The following RNF34 variants were observed in gnomAD, a reference collection of about 807,000 sequenced individuals.
The protein encoded by RNF34 is E3 ubiquitin-protein ligase RNF34.
A neutral mutation model predicts 37.9 loss-of-function variants in RNF34; 12 were observed. The ratio of observed to expected loss-of-function variants is 0.32; its 90% confidence interval spans 0.20 to 0.51. The LOEUF (loss-of-function observed/expected upper bound fraction) is 0.51. RNF34 is among the 20% of genes least tolerant of loss of function. RNF34 has a pLI of 0.97. For synonymous variants in RNF34, 155 were observed against 177.2 expected (o/e 0.87, Z 1.00); for missense variants, 362 against 472.7 (o/e 0.77, Z 2.17).
intron 1 of RNF34, among the ~76,000 whole-genome samples, chr12:121,406,497 C>T (rs1338538814): frequency 3.3e-5 from 5 of 152,078 alleles, no homozygotes; most frequent in African/African-American, 1.2e-4. Flanking sequence ...ACGTTGCCCA[C>T]GCTGGTCTCG....
chr12:121,400,324 C>A, intron 1 of RNF34, 106 bp downstream of exon 1: 2 of 1,350,868 alleles, frequency 1.5e-6, no homozygotes, highest in Non-Finnish European at 1.0e-6. Flanking sequence ...TAGTCGTCAT[C>A]TCGGAGAGCT....
At chr12:121,418,609 C>T (rs1871798899) in intron 3 of RNF34, 1 of 152,262 alleles carries the variant, frequency 6.6e-6, no homozygotes, top group South Asian at 2.1e-4. Context: ...CAGTCTGATA[C>T]TTGGCAGGCT....
intron 1 of RNF34, among the ~76,000 whole-genome samples, chr12:121,401,747 T>A (rs782358887): frequency 6.6e-6 from 1 of 152,210 alleles, no homozygotes; most frequent in Non-Finnish European, 1.5e-5. Context: ...AAACAAGTTC[T>A]TTGAAAACAG....
chr12:121,421,943 A>C (rs1872204511), intron 5 of RNF34, among the ~76,000 whole-genome samples: 1 of 152,210 alleles, frequency 6.6e-6, no homozygotes, highest in African/African-American at 2.4e-5. Context: ...AATATGCACA[A>C]AATATTTTGG....
At chr12:121,410,399 T>G (rs571782647) in intron 1 of RNF34, among the ~76,000 whole-genome samples, 1 of 151,908 alleles carries the variant, frequency 6.6e-6, no homozygotes, top group East Asian at 1.9e-4. Flanking sequence ...TAGCCGGGTG[T>G]GGTGGTGGGT....
chr12:121,408,118 C>A (rs1449110972), intron 1 of RNF34, among the ~76,000 whole-genome samples: 1 of 152,030 alleles, frequency 6.6e-6, no homozygotes, highest in African/African-American at 2.4e-5. Context: ...TCAGCCTGGG[C>A]AGCATATCAA....
intron 5 of RNF34, among the ~76,000 whole-genome samples, chr12:121,422,811 C>G (rs1872280005): frequency 6.6e-6 from 1 of 152,146 alleles, no homozygotes; most frequent in Admixed American, 6.5e-5. Flanking sequence ...CCAGGACGGC[C>G]CATCTCTTTC....
rs1428570912 is a variant in RNF34, at chr12:121,417,826, A to T, written c.548A>T (p.Tyr183Phe). 1.2e-6 allele frequency: 2 copies of T among 1,614,164 alleles called. No individual in the cohort carries two copies. The highest frequency in any genetic ancestry group is 2.2e-5 in the East Asian group (1 of 44,890). ...SFFTRSFFSN[Y>F]TAPSATMSSF... The stretch of plus-strand genomic sequence containing the variant: ...TTTACACGTTCGTTTTTTTCAAACT[A>T]TACAGCCCCCTCTGCTACTATGTCT... The change falls in exon 3 of 6, where the codon TAT becomes TTT. Residue 183 changes from tyrosine (Y) to phenylalanine (F), a missense_variant. Tyr to Phe is a conservative substitution (Grantham distance 22, BLOSUM62 3). Coordinates refer to ENST00000361234, the MANE Select transcript of RNF34 (RefSeq NM_025126.4). The surrounding 1 kb of genome is among the most constrained non-coding windows in gnomAD (Gnocchi z 5.0).
intron 4 of RNF34, 102 bp from the exon 5 acceptor site, chr12:121,420,475 C>T (rs782205285): frequency 6.4e-7 from 1 of 1,566,914 alleles, no homozygotes; most frequent in Non-Finnish European, 8.7e-7. Context: ...ACTTCTAGGA[C>T]TGCTGAGATG....
At chr12:121,404,817 A>G (rs1332420525) in intron 1 of RNF34, 3 of 152,202 alleles carry the variant, frequency 2.0e-5, no homozygotes, top group Non-Finnish European at 4.4e-5. Flanking sequence ...AATTCTTTAA[A>G]TTGAGCATTT....
chr12:121,401,157 G>A (rs77443157), intron 1 of RNF34, among the ~76,000 whole-genome samples: 1,899 of 152,112 alleles, frequency 0.012, 46 homozygotes, highest in African/African-American at 0.044. Flanking sequence ...TACTATAGAA[G>A]ATTGAAAAAG....
chr12:121,414,398 T>C (rs1447100652), intron 1 of RNF34, among the ~76,000 whole-genome samples: 1 of 151,054 alleles, frequency 6.6e-6, no homozygotes, highest in Non-Finnish European at 1.5e-5. Context: ...TTTATTCTTT[T>C]ATGTATACTT....
In RNF34 at chr12:121,420,743, G is replaced by A. The variant is rs373568534; in HGVS notation, c.893G>A (p.Arg298Gln). Residue 298 changes from arginine (R) to glutamine (Q), a missense_variant, in exon 5 of 6, where the codon CGG (arginine) becomes CAG (glutamine). Transcript: ENST00000361234. ...EKWELVEKVN[R>Q]LYKENEENQK... Reference sequence around the variant, plus strand: ...TGGGAACTGGTAGAGAAAGTAAACCGGTTATACAAAGAGAATGAAGAAAAC... The same window carrying A: ...TGGGAACTGGTAGAGAAAGTAAACCAGTTATACAAAGAGAATGAAGAAAAC... 42 of 1,613,660 alleles carry A rather than the reference G, an allele frequency of 2.6e-5. No homozygotes were observed. Among genetic ancestry groups the A allele is most frequent in the African/African-American group, 6.7e-5 (5 of 74,874 alleles).
chr12:121,413,016 G>A (rs2137002488), intron 1 of RNF34, among the ~76,000 whole-genome samples: 1 of 142,336 alleles, frequency 7.0e-6, no homozygotes, highest in South Asian at 2.3e-4. Context: ...ATTGTGCCCA[G>A]GCTATTTTTT....
chr12:121,408,239 G>C (rs1870735907), intron 1 of RNF34, among the ~76,000 whole-genome samples: 1 of 152,052 alleles, frequency 6.6e-6, no homozygotes, highest in Non-Finnish European at 1.5e-5. Context: ...TCAGGAGTTC[G>C]AGACCAGCCT....
intron 1 of RNF34, chr12:121,404,786 AAAATTTGTGGT>A (rs1328708271): frequency 6.6e-6 from 1 of 152,192 alleles, no homozygotes; most frequent in Non-Finnish European, 1.5e-5. Flanking sequence ...TTTAGGGTTG[AAAATTTGTGGT>A]AAATTTGTGA....
chr12:121,421,599 T>G (rs1240032175), intron 5 of RNF34, among the ~76,000 whole-genome samples: 1 of 152,092 alleles, frequency 6.6e-6, no homozygotes, highest in Non-Finnish European at 1.5e-5. Flanking sequence ...GGCACAGAAA[T>G]TCTTCCTCAG....
intron 1 of RNF34, among the ~76,000 whole-genome samples, chr12:121,403,455 G>GT (rs1314736749): frequency 5.3e-5 from 8 of 150,974 alleles, no homozygotes; most frequent in African/African-American, 1.2e-4. Flanking sequence ...TTTATCAACT[G>GT]TTTTTTCTGC....
chr12:121,411,241 T>C (rs1393692984), intron 1 of RNF34, among the ~76,000 whole-genome samples: 7 of 152,190 alleles, frequency 4.6e-5, no homozygotes, highest in African/African-American at 1.4e-4. Context: ...TTTTAATTTT[T>C]TATTTTATAA....
Sources: gnomAD v4.1 joint callset for allele counts (sites outside exome capture counted in the v4.1 genomes callset) on GRCh38, gnomAD v4.1.1 for gene constraint, Gnocchi (gnomAD v3.1) non-coding constraint, MANE v1.5 for transcripts, NCBI Gene and HGNC (gene_info 2026-07-23, HGNC 2026-07-21) for gene names.